Variants in TMEM192 observed in about 807,000 individuals in gnomAD.
TMEM192 encodes transmembrane protein 192.
TMEM192 carries 20 observed loss-of-function variants against 26.7 expected under a neutral mutation model. That is an observed-to-expected ratio of 0.75 (90% confidence interval 0.53 to 1.09). TMEM192 has a LOEUF of 1.09. Ranked by LOEUF, TMEM192 falls within the 50% of genes least tolerant of loss-of-function variation. The probability of loss-of-function intolerance (pLI) is 0.00; values close to 1 mark genes in which losing one functional copy is unlikely to be tolerated. For synonymous variants in TMEM192, 124 were observed against 121.0 expected (o/e 1.02, Z -0.16); for missense variants, 304 against 322.6 (o/e 0.94, Z 0.44).
chr4:165,089,394 C>A (rs867744117), intron 3 of TMEM192, among the ~76,000 whole-genome samples: 1 of 152,206 alleles, frequency 6.6e-6, no homozygotes, highest in Middle Eastern at 3.4e-3. Context: ...TATCTCGGCT[C>A]ACTGCAAGCT....
intron 3 of TMEM192, among the ~76,000 whole-genome samples, chr4:165,093,296 C>T (rs531351618): frequency 6.6e-6 from 1 of 151,884 alleles, no homozygotes; most frequent in Non-Finnish European, 1.5e-5. Flanking sequence ...GGGGTTTCAC[C>T]ATGTTGGCCA....
intron 3 of TMEM192, among the ~76,000 whole-genome samples, chr4:165,092,357 A>G (rs1734787237): frequency 1.3e-5 from 2 of 151,956 alleles, no homozygotes; most frequent in Non-Finnish European, 2.9e-5. Context: ...TCTGACCGCA[A>G]GTGATCCGCG....
chr4:165,104,854 T>C (rs1286168291), intron 1 of TMEM192, among the ~76,000 whole-genome samples: 5 of 152,116 alleles, frequency 3.3e-5, no homozygotes, highest in African/African-American at 9.7e-5. Flanking sequence ...AATGCCTAGA[T>C]TGCTTCCTGT....
Position 165,111,733 on chromosome 4 carries a change from A to T in TMEM192, c.27+1014T>A, listed in dbSNP as rs925287110. 2.0e-5 allele frequency: 3 copies of T among 152,214 alleles called. No individual in the cohort carries two copies. In the South Asian group the frequency reaches 6.2e-4, roughly 31 times the overall value. The allele number at this position is 152,214 out of a possible 1,614,324, so 9.4% of individuals were successfully genotyped here. A position where few individuals can be genotyped will look rare whatever the true frequency, so the allele number is the denominator to read the frequency against. On this transcript the variant is annotated intron_variant, in intron 1 of 5. Coordinates refer to ENST00000306480, the MANE Select transcript of TMEM192 (RefSeq NM_001100389.2). ...TTAGAAATTGTTTGGTCTTTATTTCATCAAGATTATTTAACTGGTTACTGC... is the reference window on the plus strand; with the variant it reads ...TTAGAAATTGTTTGGTCTTTATTTCTTCAAGATTATTTAACTGGTTACTGC...
chr4:165,112,678 G>A, intron 1 of TMEM192, 69 bp downstream of exon 1: 2 of 1,592,562 alleles, frequency 1.3e-6, no homozygotes, highest in South Asian at 1.1e-5. Context: ...CTGAGTCTCC[G>A]CCCCGTGCGC....
chr4:165,094,268 C>T (rs1008958854), intron 3 of TMEM192, among the ~76,000 whole-genome samples: 6 of 151,974 alleles, frequency 3.9e-5, no homozygotes, highest in African/African-American at 9.7e-5. Flanking sequence ...AACTCCTGGC[C>T]TCAAGTGACC....
rs1335530588 is a variant in TMEM192 at position 165,074,045 on chromosome 4, G to C, written c.*5613C>G. On this transcript the variant is annotated 3_prime_UTR_variant, in exon 6 of 6. Transcript: ENST00000306480. ...TGTTCTTTCTTTATACTTTGTCTCT[G>C]TGTCTTATTTCTTTTCTCAGTCTCT... The C allele has an allele frequency of 6.6e-6, 1 of 152,028 alleles. No homozygotes were observed. The highest frequency in any genetic ancestry group is 1.9e-4 in the East Asian group (1 of 5,174). 9.4% of individuals were successfully genotyped at this position (152,028 alleles called of 1,614,324 possible).
chr4:165,089,399 C>A (rs1734701564), intron 3 of TMEM192, among the ~76,000 whole-genome samples: 1 of 152,090 alleles, frequency 6.6e-6, no homozygotes, highest in Non-Finnish European at 1.5e-5. Context: ...CGGCTCACTG[C>A]AAGCTCCACC....
At chr4:165,092,548 C>T (rs1306987475) in intron 3 of TMEM192, among the ~76,000 whole-genome samples, 2 of 152,140 alleles carry the variant, frequency 1.3e-5, no homozygotes, top group African/African-American at 2.4e-5. Flanking sequence ...CTATTATTTA[C>T]TTATGAGGAC....
intron 3 of TMEM192, among the ~76,000 whole-genome samples, chr4:165,096,841 G>C (rs764764670): frequency 1.1e-4 from 17 of 152,072 alleles, no homozygotes; most frequent in Non-Finnish European, 1.9e-4. Flanking sequence ...GAAAGGTAAA[G>C]ATCAAATAAT....
In TMEM192 at chr4:165,076,161, A is replaced by T. The variant is rs1352099407; in HGVS notation, c.*3497T>A. 1 of 152,218 alleles carries T rather than the reference A, an allele frequency of 6.6e-6. No homozygotes were observed. The highest frequency in any genetic ancestry group is 2.4e-5 in the African/African-American group (1 of 41,460). The allele number at this position is 152,218 out of a possible 1,614,324, so 9.4% of individuals were successfully genotyped here. A position where few individuals can be genotyped will look rare whatever the true frequency, so the allele number is the denominator to read the frequency against. On this transcript the variant is annotated 3_prime_UTR_variant, in exon 6 of 6. Transcript: ENST00000306480. ...TGAGCTTTTAACTTTATAATAAGTC[A>T]TGATACTGTTGTCATTTGGAATACA...
In TMEM192 at chr4:165,085,629, T is replaced by C; in HGVS notation, c.634A>G (p.Ile212Val). The C allele has an allele frequency of 1.2e-6, 2 of 1,613,002 alleles. No individual in the cohort carries two copies. The highest frequency in any genetic ancestry group is 2.2e-5 in the South Asian group (2 of 90,710). ...PEPDILEEEKIYAYPSNITSE... is the reference protein window; with the variant it reads ...PEPDILEEEKVYAYPSNITSE... ...GTAATATTGCTGGGGTAAGCATAGA[T>C]TTTTTCTTCTTCAAGTATATCAGGC... The change falls in exon 5 of 6, where the codon ATC (isoleucine) becomes GTC (valine). Residue 212 changes from isoleucine (I) to valine (V), a missense_variant. Physicochemically the swap from Ile to Val is conservative, Grantham distance 29. Coordinates refer to ENST00000306480, the MANE Select transcript of TMEM192 (RefSeq NM_001100389.2).
At chr4:165,102,910 C>A in intron 2 of TMEM192, 40 bp downstream of exon 2, 2 of 1,506,100 alleles carry the variant, frequency 1.3e-6, no homozygotes, top group Non-Finnish European at 8.9e-7. Flanking sequence ...TTTTTACAAA[C>A]ATCACCTCTG....
In TMEM192 at chr4:165,079,462, A is replaced by T; in HGVS notation, c.*196T>A. ...TTCCCCTCAAGTTATCCGGGCTTCT[A>T]CAGGTACTTTTCAAGTGACCCACAA... is the stretch of plus-strand genomic sequence containing the variant. On this transcript the variant is annotated 3_prime_UTR_variant, in exon 6 of 6. Transcript: ENST00000306480. The T allele has an allele frequency of 2.0e-6, 1 of 504,292 alleles. No homozygotes were observed. Among genetic ancestry groups the T allele is most frequent in the Non-Finnish European group, 3.4e-6 (1 of 293,122 alleles). The allele number at this position is 504,292 out of a possible 1,614,324, so 31.2% of individuals were successfully genotyped here. A position where few individuals can be genotyped will look rare whatever the true frequency, so the allele number is the denominator to read the frequency against.
In TMEM192 at chr4:165,100,652, G is replaced by A; in HGVS notation, c.415C>T (p.Leu139Phe). 1.2e-6 allele frequency: 2 copies of A among 1,614,172 alleles called. No homozygotes were observed. The highest frequency in any genetic ancestry group is 2.2e-5 in the South Asian group (2 of 91,082). ...IYRSTRHLKR[L>F]ALMIQSSGNT... ...CCAGAGGACTGTATCATCAACGCAAGTCTCTTGAGATGCCTTGTTGATCGG... is the reference window on the plus strand; with the variant it reads ...CCAGAGGACTGTATCATCAACGCAAATCTCTTGAGATGCCTTGTTGATCGG... Residue 139 changes from leucine to phenylalanine, a missense_variant, in exon 3 of 6, where the codon CTT becomes TTT. Transcript: ENST00000306480.
At chr4:165,098,718 G>A (rs6832758) in intron 3 of TMEM192, among the ~76,000 whole-genome samples, 150,084 of 152,136 alleles carry the variant, frequency 0.99, 74,067 homozygotes, top group East Asian at 1. Context: ...TTCTTTTGAG[G>A]CAGTGTTCCG....
chr4:165,079,513 A>G lies in TMEM192; in HGVS notation c.*145T>C, dbSNP rs1734470225. On this transcript the variant is annotated 3_prime_UTR_variant, in exon 6 of 6. Coordinates refer to ENST00000306480, the MANE Select transcript of TMEM192 (RefSeq NM_001100389.2). ...GCCCTATATTTTAAACAGCCACAGAAGTCAGAACCAAATTCAGGTTTCCAA... is the reference window on the plus strand; with the variant it reads ...GCCCTATATTTTAAACAGCCACAGAGGTCAGAACCAAATTCAGGTTTCCAA... 1 of 868,098 alleles carries G rather than the reference A, an allele frequency of 1.2e-6. No individual in the cohort carries two copies. The allele number at this position is 868,098 out of a possible 1,614,324, so 53.8% of individuals were successfully genotyped here. A position where few individuals can be genotyped will look rare whatever the true frequency, so the allele number is the denominator to read the frequency against.
At chr4:165,100,191 C>T (rs1428575861) in intron 3 of TMEM192, among the ~76,000 whole-genome samples, 2 of 137,236 alleles carry the variant, frequency 1.5e-5, no homozygotes, top group African/African-American at 2.9e-5. Context: ...GATGGAGTCT[C>T]GCTGTGTTGC....
intron 1 of TMEM192, among the ~76,000 whole-genome samples, chr4:165,103,487 G>A (rs1735092142): frequency 7.0e-6 from 1 of 143,452 alleles, no homozygotes; most frequent in South Asian, 2.2e-4. Context: ...TGGGACTACA[G>A]GTGTGCACCA....
Sources: gnomAD v4.1 joint callset for allele counts (sites outside exome capture counted in the v4.1 genomes callset) on GRCh38, gnomAD v4.1.1 for gene constraint, MANE v1.5 for transcripts, NCBI Gene and HGNC (gene_info 2026-07-23, HGNC 2026-07-21) for gene names.